Variants in HPSE2 observed in about 807,000 individuals in gnomAD.
HPSE2 encodes inactive heparanase-2.
In HPSE2, 38 loss-of-function variants were observed where a neutral mutation model predicts 60.5. The ratio of observed to expected loss-of-function variants is 0.63; its 90% CI spans 0.48 to 0.82. The LOEUF is 0.82. Ranked by LOEUF, HPSE2 falls within the 40% of genes least tolerant of loss-of-function variation. HPSE2 has a pLI of 0.00. For missense variants in HPSE2, 713 were observed against 740.4 expected (o/e 0.96, Z 0.43); for synonymous variants, 295 against 293.2 (o/e 1.01, Z -0.06).
At chr10:98,866,436 C>A (rs2134804842) in intron 3 of HPSE2, among the ~76,000 whole-genome samples, 1 of 151,998 alleles carries the variant, frequency 6.6e-6, no homozygotes, top group South Asian at 2.1e-4. Context: ...GAAGAAAGGT[C>A]AGAAAAATAT....
At chr10:98,946,231 A>G (rs1262839617) in intron 3 of HPSE2, among the ~76,000 whole-genome samples, 1 of 152,074 alleles carries the variant, frequency 6.6e-6, no homozygotes, top group Non-Finnish European at 1.5e-5. Flanking sequence ...GCACTTTGGG[A>G]GGCCAAGGTG....
At chr10:99,263,226 A>G in the HPSE2 span, among the ~76,000 whole-genome samples, 1 of 152,130 alleles carries the variant, frequency 6.6e-6, no homozygotes, top group African/African-American at 2.4e-5. Flanking sequence ...GCCACTCACC[A>G]GCAAAGGTAG....
intron 3 of HPSE2, among the ~76,000 whole-genome samples, chr10:98,839,831 G>T (rs1395403430): frequency 6.6e-6 from 1 of 152,116 alleles, no homozygotes; most frequent in African/African-American, 2.4e-5. Context: ...TTCACAAAAA[G>T]AAAGGCTTAG....
intron 2 of HPSE2, among the ~76,000 whole-genome samples, chr10:99,193,160 G>A (rs1367455396): frequency 6.6e-6 from 1 of 152,034 alleles, no homozygotes; most frequent in Non-Finnish European, 1.5e-5. Context: ...GGAAAGAGTA[G>A]AGTTTTTATT....
At chr10:98,914,388 C>T (rs936029266) in intron 3 of HPSE2, among the ~76,000 whole-genome samples, 8 of 151,908 alleles carry the variant, frequency 5.3e-5, no homozygotes, top group Non-Finnish European at 8.8e-5. Flanking sequence ...TCTTTATTAG[C>T]AGTGTGAAAA....
At chr10:98,852,545 G>A (rs1241344254) in intron 3 of HPSE2, among the ~76,000 whole-genome samples, 3 of 152,202 alleles carry the variant, frequency 2.0e-5, no homozygotes, top group Non-Finnish European at 4.4e-5. Flanking sequence ...CCATACTCAA[G>A]AGAAAAGAAT....
chr10:98,823,338 AC>A (rs1164217938), intron 3 of HPSE2, among the ~76,000 whole-genome samples: 2 of 152,198 alleles, frequency 1.3e-5, no homozygotes, highest in African/African-American at 4.8e-5. Context: ...TAAATAATGC[AC>A]CAGGCACAGT....
At chr10:98,676,092 T>G (rs1297112009) in intron 6 of HPSE2, among the ~76,000 whole-genome samples, 1 of 152,014 alleles carries the variant, frequency 6.6e-6, no homozygotes, top group Non-Finnish European at 1.5e-5. Context: ...ATTGGGGATT[T>G]CATGCCTAGT....
At chr10:98,884,739 T>C (rs1055347287) in intron 3 of HPSE2, among the ~76,000 whole-genome samples, 4 of 151,928 alleles carry the variant, frequency 2.6e-5, no homozygotes, top group African/African-American at 9.7e-5. Flanking sequence ...AGGAGGACGG[T>C]TTCAGGGTGA....
chr10:98,481,561 G>GA (rs762545428), intron 11 of HPSE2, among the ~76,000 whole-genome samples: 4 of 152,162 alleles, frequency 2.6e-5, no homozygotes, highest in Non-Finnish European at 5.9e-5. Flanking sequence ...CATGTAGCCA[G>GA]AAAAAAGAGC....
chr10:99,254,816 A>G, the HPSE2 span, among the ~76,000 whole-genome samples: 1 of 152,210 alleles, frequency 6.6e-6, no homozygotes, highest in Non-Finnish European at 1.5e-5. Context: ...GTCAGTCACA[A>G]AAGACCACAT....
the HPSE2 span, among the ~76,000 whole-genome samples, chr10:99,304,524 G>A: frequency 6.6e-6 from 1 of 152,150 alleles, no homozygotes; most frequent in Non-Finnish European, 1.5e-5. Context: ...AACGCTTGTG[G>A]GCTAAGCTCC....
intron 2 of HPSE2, among the ~76,000 whole-genome samples, chr10:99,172,565 T>C (rs899395661): frequency 6.6e-6 from 1 of 152,160 alleles, no homozygotes; most frequent in Admixed American, 6.5e-5. Flanking sequence ...TGTGGAAACA[T>C]GTAAGAACAG....
intron 3 of HPSE2, among the ~76,000 whole-genome samples, chr10:98,969,250 C>T (rs1293058795): frequency 6.6e-6 from 1 of 152,172 alleles, no homozygotes; most frequent in Non-Finnish European, 1.5e-5. Flanking sequence ...ACCAAAATTT[C>T]ATCTTGGCTT....
rs1293768908 is a variant in HPSE2 at position 98,635,751 on chromosome 10, C to T, written c.1098+6096G>A. 3.5e-5 allele frequency among the ~76,000 whole-genome samples: 5 copies of T among 143,922 alleles called. 1 individual carries two copies. In the South Asian group the frequency reaches 6.6e-4, roughly 19 times the overall value. 94.4% of individuals were successfully genotyped at this position (143,922 alleles called of 152,430 possible). Reference sequence around the variant, plus strand: ...GAGCTATAATTGCATTACTGCACTCCAGCCTAGGCAAAAGAACAAGACCCC... The same window carrying T: ...GAGCTATAATTGCATTACTGCACTCTAGCCTAGGCAAAAGAACAAGACCCC... On this transcript the variant is annotated intron_variant, in intron 7 of 11. Coordinates refer to ENST00000370552, the MANE Select transcript of HPSE2 (RefSeq NM_021828.5).
At chr10:98,926,625 CA>C (rs1277140406) in intron 3 of HPSE2, among the ~76,000 whole-genome samples, 9 of 152,110 alleles carry the variant, frequency 5.9e-5, no homozygotes, top group African/African-American at 2.2e-4. Context: ...GCATTGAAAA[CA>C]ATGCTCAAAT....
intron 7 of HPSE2, among the ~76,000 whole-genome samples, chr10:98,621,967 A>G (rs1403566670): frequency 1.3e-5 from 2 of 152,206 alleles, no homozygotes; most frequent in Non-Finnish European, 2.9e-5. Context: ...TAAAGAAAAT[A>G]GTGTATTTAG....
chr10:99,161,246 G>T (rs1170310355), intron 2 of HPSE2, among the ~76,000 whole-genome samples: 6 of 150,450 alleles, frequency 4.0e-5, no homozygotes, highest in Non-Finnish European at 7.4e-5. Flanking sequence ...ACTTGTACAT[G>T]AATATTTATA....
chr10:98,880,287 G>A (rs1007919406), intron 3 of HPSE2, among the ~76,000 whole-genome samples: 2 of 151,998 alleles, frequency 1.3e-5, no homozygotes, highest in African/African-American at 4.8e-5. Flanking sequence ...TGTGGCTGAG[G>A]TTGCAGGGCA....
Sources: allele counts gnomAD v4.1 joint callset (sites outside exome capture counted in the v4.1 genomes callset), GRCh38; gene constraint gnomAD v4.1.1; transcripts MANE v1.5; gene names NCBI Gene and HGNC (gene_info 2026-07-23, HGNC 2026-07-21).